KIAA1217: variants seen among roughly 807,000 people sequenced by gnomAD.
KIAA1217 encodes the protein KIAA1217, also known as sickle tail protein homolog.
Under a neutral mutation model 163.9 loss-of-function variants are expected in KIAA1217, and 88 were observed. That is an observed-to-expected ratio of 0.54 (90% CI 0.45 to 0.64). KIAA1217 has a LOEUF of 0.64. Ranked by LOEUF, KIAA1217 falls within the 30% of genes least tolerant of loss-of-function variation. KIAA1217 has a pLI of 0.00. For missense variants in KIAA1217, 2,372 were observed against 2,475.0 expected (o/e 0.96, Z 0.88); for synonymous variants, 903 against 923.1 (o/e 0.98, Z 0.39).
intron 1 of KIAA1217, among the ~76,000 whole-genome samples, chr10:23,709,030 G>A (rs559145533): frequency 5.6e-4 from 86 of 152,294 alleles, no homozygotes; most frequent in Admixed American, 1.1e-3. Context: ...CCTCTAGGCA[G>A]TTGGGTTATT....
At position 23,830,123 on chromosome 10, in the gene KIAA1217, A is replaced by G. The variant is rs375974490; in HGVS notation, c.-321+134889A>G. On this transcript the variant is annotated intron_variant, in intron 1 of 18. Transcript: ENST00000376462. Reference sequence around the variant, plus strand: ...ATTGATTTAATGACAGAATGATTCAATAGTTGCAATCTTCCATAAAATATC... The same window carrying G: ...ATTGATTTAATGACAGAATGATTCAGTAGTTGCAATCTTCCATAAAATATC... Among the ~76,000 whole-genome samples the G allele has an allele frequency of 1.2e-4, 18 of 152,328 alleles. No individual in the cohort carries two copies. The East Asian group carries it at 3.1e-3, about 26-fold the overall frequency.
chr10:23,889,603 A>C (rs531930743), intron 1 of KIAA1217, among the ~76,000 whole-genome samples: 1 of 152,030 alleles, frequency 6.6e-6, no homozygotes, highest in East Asian at 1.9e-4. Context: ...TTGTATCCTT[A>C]AATGATTCAA....
intron 1 of KIAA1217, among the ~76,000 whole-genome samples, chr10:23,770,834 A>G (rs980642511): frequency 6.6e-6 from 1 of 152,190 alleles, no homozygotes; most frequent in Non-Finnish European, 1.5e-5. Flanking sequence ...ACTCAATGAA[A>G]TGGGGGAGTC....
In KIAA1217 at chr10:24,215,533, G is replaced by A. The variant is rs140944804; in HGVS notation, c.71-4093G>A. Among the ~76,000 whole-genome samples, 541 of 152,286 alleles carry A rather than the reference G, an allele frequency of 3.6e-3. 13 individuals are homozygous for A. In the East Asian group the frequency reaches 0.053, roughly 15 times the overall value. On this transcript the variant is annotated intron_variant, in intron 1 of 20. Coordinates refer to ENST00000376454, the MANE Select transcript of KIAA1217 (RefSeq NM_019590.5). ...TATTCATGTGGATAATGAGGAGTTGGCCAGGCTCAGATCTCTGACAACATG... is the reference window on the plus strand; with the variant it reads ...TATTCATGTGGATAATGAGGAGTTGACCAGGCTCAGATCTCTGACAACATG...
At chr10:24,183,290 A>C (rs2053649628) in intron 2 of KIAA1217, among the ~76,000 whole-genome samples, 1 of 152,216 alleles carries the variant, frequency 6.6e-6, no homozygotes, top group South Asian at 2.1e-4. Context: ...TTATAGCAAC[A>C]CAAAATGGAT....
chr10:24,004,471 T>C (rs1328308315), intron 1 of KIAA1217, among the ~76,000 whole-genome samples: 4 of 152,224 alleles, frequency 2.6e-5, no homozygotes, highest in Non-Finnish European at 5.9e-5. Flanking sequence ...TGTGTAAAAA[T>C]AATAAAACTA....
At chr10:24,326,400 G>A (rs16924589) in intron 2 of KIAA1217, among the ~76,000 whole-genome samples, 4,970 of 151,906 alleles carry the variant, frequency 0.033, 265 homozygotes, top group African/African-American at 0.11. Context: ...TTTTAAAGTC[G>A]ATGGCAAAAT....
chr10:23,706,948 G>T (rs1588634840), intron 1 of KIAA1217, among the ~76,000 whole-genome samples: 1 of 152,096 alleles, frequency 6.6e-6, no homozygotes, highest in Non-Finnish European at 1.5e-5. Flanking sequence ...ACCAGGCGGG[G>T]ACCTGTTATT....
At chr10:24,243,792 A>G (rs993413862) in intron 2 of KIAA1217, among the ~76,000 whole-genome samples, 4 of 152,120 alleles carry the variant, frequency 2.6e-5, no homozygotes, top group Admixed American at 2.6e-4. Context: ...ATATGAATAT[A>G]TAAGAATGAA....
At chr10:23,883,802 G>C (rs1437527257) in intron 1 of KIAA1217, among the ~76,000 whole-genome samples, 1 of 151,782 alleles carries the variant, frequency 6.6e-6, no homozygotes, top group African/African-American at 2.4e-5. Context: ...CCCAACTCTT[G>C]ACAACAACTG....
Position 23,893,679 on chromosome 10 carries a change from G to A in KIAA1217, c.-320-113546G>A, listed in dbSNP as rs191547438. On this transcript the variant is annotated intron_variant, in intron 1 of 18. Coordinates refer to the KIAA1217 transcript ENST00000376462. Reference sequence around the variant, plus strand: ...CTGCTTTGAAAAGACAGGCAGAGACGCAACCAAAAAAGAGAATTTTAGACC... The same window carrying A: ...CTGCTTTGAAAAGACAGGCAGAGACACAACCAAAAAAGAGAATTTTAGACC... Among the ~76,000 whole-genome samples, 318 of 151,656 alleles carry A rather than the reference G, an allele frequency of 2.1e-3. 1 individual carries two copies. The highest frequency in any genetic ancestry group is 7.0e-3 in the African/African-American group (288 of 41,414).
chr10:24,431,772 G>A (rs1420778457), intron 3 of KIAA1217, among the ~76,000 whole-genome samples: 1 of 152,184 alleles, frequency 6.6e-6, no homozygotes, highest in African/African-American at 2.4e-5. Context: ...AATCAACGTG[G>A]AACAGAGCTG....
intron 1 of KIAA1217, among the ~76,000 whole-genome samples, chr10:23,858,841 A>G (rs1839827917): frequency 6.6e-6 from 1 of 152,174 alleles, no homozygotes; most frequent in Non-Finnish European, 1.5e-5. Context: ...GAGACATAGT[A>G]GAAAACTCTC....
At chr10:24,469,717 T>G (rs1347649924) in intron 5 of KIAA1217, among the ~76,000 whole-genome samples, 1 of 152,160 alleles carries the variant, frequency 6.6e-6, no homozygotes, top group Non-Finnish European at 1.5e-5. Context: ...GTTCAAGCAA[T>G]TCTCCTGCCT....
intron 2 of KIAA1217, among the ~76,000 whole-genome samples, chr10:24,298,115 A>G (rs907382705): frequency 6.6e-6 from 1 of 152,188 alleles, no homozygotes; most frequent in African/African-American, 2.4e-5. Context: ...TACCATTTCA[A>G]TTGAGAGGAT....
chr10:24,533,008 T>G, intron 15 of KIAA1217, 62 bp from the exon 16 acceptor site: 1 of 1,488,042 alleles, frequency 6.7e-7, no homozygotes, highest in Non-Finnish European at 9.1e-7. Context: ...ATACGATCTG[T>G]CCCTTTTTTG....
intron 1 of KIAA1217, among the ~76,000 whole-genome samples, chr10:23,927,551 C>T (rs1843076098): frequency 2.0e-5 from 3 of 152,028 alleles, no homozygotes; most frequent in Admixed American, 2.0e-4. Flanking sequence ...CTGTGAGATG[C>T]TCATATGTGA....
chr10:24,000,297 G>T (rs1453610732), intron 1 of KIAA1217, among the ~76,000 whole-genome samples: 1 of 152,146 alleles, frequency 6.6e-6, no homozygotes, highest in African/African-American at 2.4e-5. Flanking sequence ...TTGAATCATG[G>T]GGGGCAGTTA....
At chr10:24,152,592 C>T (rs956577409) in intron 2 of KIAA1217, among the ~76,000 whole-genome samples, 4 of 152,198 alleles carry the variant, frequency 2.6e-5, no homozygotes, top group Non-Finnish European at 5.9e-5. Context: ...TATGTTACTT[C>T]TGTGAGATTT....
Sources: allele counts gnomAD v4.1 joint callset (sites outside exome capture counted in the v4.1 genomes callset), GRCh38; gene constraint gnomAD v4.1.1; transcripts MANE v1.5; gene names NCBI Gene and HGNC (gene_info 2026-07-23, HGNC 2026-07-21).